The following SGCZ variants were observed in gnomAD, a reference collection of about 807,000 sequenced individuals.
SGCZ encodes sarcoglycan zeta, also known as zeta-sarcoglycan.
SGCZ carries 40 observed loss-of-function variants against 41.3 expected under a neutral mutation model. That is an observed-to-expected ratio of 0.97 (90% CI 0.75 to 1.26). The LOEUF (loss-of-function observed/expected upper bound fraction) is 1.26, where lower values mean the gene tolerates loss of function less well. SGCZ is among the 50% of genes most tolerant of loss of function. The pLI, the probability that SGCZ is intolerant of heterozygous loss-of-function variation, is 0.00. For missense variants in SGCZ, 552 were observed against 369.8 expected (o/e 1.49, Z -4.04); for synonymous variants, 206 against 137.5 (o/e 1.50, Z -3.49).
At chr8:14,560,381 G>A (rs1304449705) in intron 1 of SGCZ, among the ~76,000 whole-genome samples, 2 of 151,848 alleles carry the variant, frequency 1.3e-5, no homozygotes, top group African/African-American at 2.4e-5. Context: ...TTTTAAAAAT[G>A]AAGATTAAAG....
At chr8:14,210,584 T>C (rs565918995) in intron 4 of SGCZ, among the ~76,000 whole-genome samples, 50 of 151,918 alleles carry the variant, frequency 3.3e-4, no homozygotes, top group Non-Finnish European at 6.6e-4. Flanking sequence ...TGCCTCAGCC[T>C]CCTGAGTAGC....
intron 1 of SGCZ, among the ~76,000 whole-genome samples, chr8:14,816,238 A>C (rs953103567): frequency 6.6e-6 from 1 of 152,196 alleles, no homozygotes; most frequent in Non-Finnish European, 1.5e-5. Context: ...GTGAGTGGTT[A>C]TTCGTTTGAG....
intron 2 of SGCZ, among the ~76,000 whole-genome samples, chr8:14,539,691 T>A (rs1317708897): frequency 1.3e-5 from 2 of 151,974 alleles, no homozygotes; most frequent in Non-Finnish European, 2.9e-5. Context: ...ATCTTCTTCC[T>A]CCTTCCATCC....
chr8:15,003,930 C>T (rs1270999986), intron 1 of SGCZ, among the ~76,000 whole-genome samples: 3 of 152,134 alleles, frequency 2.0e-5, no homozygotes, highest in Admixed American at 6.6e-5. Context: ...TGAAATACAT[C>T]TCATGCTCCC....
chr8:14,925,106 C>A (rs1488829887), intron 1 of SGCZ, among the ~76,000 whole-genome samples: 1 of 152,118 alleles, frequency 6.6e-6, no homozygotes, highest in African/African-American at 2.4e-5. Flanking sequence ...GATCCACCTG[C>A]CTCACCCTCC....
intron 1 of SGCZ, among the ~76,000 whole-genome samples, chr8:14,827,485 C>T: frequency 6.6e-6 from 1 of 152,072 alleles, no homozygotes. Flanking sequence ...GATGCACCCG[C>T]CTTGGCCTCC....
intron 2 of SGCZ, among the ~76,000 whole-genome samples, chr8:14,433,015 A>T (rs1260876598): frequency 6.6e-6 from 1 of 151,968 alleles, no homozygotes; most frequent in African/African-American, 2.4e-5. Flanking sequence ...AAGAAAAAAA[A>T]CATTGTTTCT....
intron 1 of SGCZ, among the ~76,000 whole-genome samples, chr8:14,874,321 T>A (rs868639638): frequency 1.3e-5 from 2 of 152,184 alleles, no homozygotes; most frequent in Non-Finnish European, 2.9e-5. Context: ...TTCTTGAAAG[T>A]TGACTGTCCA....
intron 2 of SGCZ, among the ~76,000 whole-genome samples, chr8:14,479,761 T>TTTTTTTTTC (rs1563356644): frequency 1.1e-5 from 1 of 92,114 alleles, no homozygotes; most frequent in Non-Finnish European, 2.8e-5. Flanking sequence ...TTTTTTTTTT[T>TTTTTTTTTC]ATTTGAGATG....
rs572637457 is a variant in SGCZ at position 15,008,560 on chromosome 8, G to A, written c.39+229025C>T. 8.7e-4 allele frequency among the ~76,000 whole-genome samples: 41 copies of A among 47,032 alleles called. 1 individual carries two copies. The highest frequency in any genetic ancestry group is 2.2e-3 in the African/African-American group (25 of 11,390). 30.9% of individuals were successfully genotyped at this position (47,032 alleles called of 152,430 possible). ...GGAAGGAAGGGAGGGAGTGAGGGAG[G>A]GAGGGAGGGAGGGGGAGGGGGAGGG... On this transcript the variant is annotated intron_variant, in intron 1 of 7. Coordinates refer to ENST00000382080, the MANE Select transcript of SGCZ (RefSeq NM_139167.4).
chr8:14,928,878 T>C (rs139508619), intron 1 of SGCZ, among the ~76,000 whole-genome samples: 144 of 152,322 alleles, frequency 9.5e-4, no homozygotes, highest in African/African-American at 3.4e-3. Flanking sequence ...AATGTGCCTA[T>C]TATACCATCT....
intron 2 of SGCZ, among the ~76,000 whole-genome samples, chr8:14,428,291 T>C (rs1271234648): frequency 6.6e-6 from 1 of 152,028 alleles, no homozygotes; most frequent in African/African-American, 2.4e-5. Context: ...TCATATACAT[T>C]TATCTATGCA....
chr8:14,356,286 C>T (rs906679870), intron 2 of SGCZ, among the ~76,000 whole-genome samples: 8 of 152,218 alleles, frequency 5.3e-5, no homozygotes, highest in East Asian at 3.9e-4. Context: ...AACAAAACCC[C>T]GTCGTAAGTT....
At chr8:14,471,899 A>G (rs1399799108) in intron 2 of SGCZ, among the ~76,000 whole-genome samples, 1 of 152,088 alleles carries the variant, frequency 6.6e-6, no homozygotes, top group Non-Finnish European at 1.5e-5. Context: ...TGTCAAAGAA[A>G]TAATGACAAA....
intron 7 of SGCZ, among the ~76,000 whole-genome samples, chr8:14,091,247 T>G (rs1801681351): frequency 6.6e-6 from 1 of 151,840 alleles, no homozygotes; most frequent in African/African-American, 2.4e-5. Flanking sequence ...TGATGGACAT[T>G]TGGGTTGGTC....
chr8:14,786,881 G>A (rs942591861), intron 1 of SGCZ, among the ~76,000 whole-genome samples: 25 of 150,278 alleles, frequency 1.7e-4, no homozygotes, highest in African/African-American at 5.6e-4. Flanking sequence ...GTAAGTCTTA[G>A]ATAAAGACAG....
At chr8:14,294,163 T>C (rs1800936522) in intron 3 of SGCZ, among the ~76,000 whole-genome samples, 1 of 151,936 alleles carries the variant, frequency 6.6e-6, no homozygotes, top group African/African-American at 2.4e-5. Context: ...GTTAAATTAT[T>C]ATGTAGACTA....
At position 14,251,355 on chromosome 8, in the gene SGCZ, T is replaced by A. The variant is rs888172232; in HGVS notation, c.337-13676A>T. Among the ~76,000 whole-genome samples the A allele has an allele frequency of 3.3e-5, 5 of 152,228 alleles. No homozygotes were observed. In the East Asian group the frequency reaches 9.6e-4, roughly 29 times the overall value. ...TCATTCAGAGCAGGCACCGGCCAAC[T>A]TTTATTTTCAAGAGACAGACAGAAA... On this transcript the variant is annotated intron_variant, in intron 3 of 7. Coordinates refer to ENST00000382080, the MANE Select transcript of SGCZ (RefSeq NM_139167.4).
At chr8:14,874,034 G>C (rs73201286) in intron 1 of SGCZ, among the ~76,000 whole-genome samples, 1 of 152,016 alleles carries the variant, frequency 6.6e-6, no homozygotes, top group African/African-American at 2.4e-5. Context: ...GAAAACCATG[G>C]AAAACTGTGA....
Sources: gnomAD v4.1 joint callset for allele counts (sites outside exome capture counted in the v4.1 genomes callset) on GRCh38, gnomAD v4.1.1 for gene constraint, MANE v1.5 for transcripts, NCBI Gene and HGNC (gene_info 2026-07-23, HGNC 2026-07-21) for gene names.